The following FAHD2A variants were observed in gnomAD, a reference collection of about 807,000 sequenced individuals.
FAHD2A encodes oxaloacetate tautomerase FAHD2A, mitochondrial.
Under a neutral mutation model 33.4 loss-of-function variants are expected in FAHD2A, and 27 were observed. The ratio of observed to expected loss-of-function variants is 0.81; its 90% CI spans 0.60 to 1.11. The LOEUF (loss-of-function observed/expected upper bound fraction) is 1.11. Ranked by LOEUF, FAHD2A falls within the 50% of genes most tolerant of loss-of-function variation. The probability of loss-of-function intolerance (pLI) is 0.00; values close to 1 mark genes in which losing one functional copy is unlikely to be tolerated. For missense variants in FAHD2A, 296 were observed against 395.0 expected (o/e 0.75, Z 2.12); for synonymous variants, 130 against 153.3 (o/e 0.85, Z 1.12).
chr2:95,413,319 G>T lies in FAHD2A; in HGVS notation c.*362G>T. On this transcript the variant is annotated 3_prime_UTR_variant, in exon 8 of 8. Coordinates refer to ENST00000233379, the MANE Select transcript of FAHD2A (RefSeq NM_016044.3). ...TCAAAGAAGGGAAAAAGCAAGAGAT[G>T]GCAAGGGACAATCAAGCCTCAATGA... The T allele has an allele frequency of 6.9e-7, 1 of 1,454,970 alleles. No individual in the cohort carries two copies. 90.1% of individuals were successfully genotyped at this position (1,454,970 alleles called of 1,614,324 possible).
At chr2:95,412,293 A>G in intron 5 of FAHD2A, 141 bp from the exon 6 acceptor site, 2 of 941,296 alleles carry the variant, frequency 2.1e-6, no homozygotes, top group Non-Finnish European at 3.2e-6. Context: ...AAGTTCTAAC[A>G]TAGAGCACTG....
rs1682843060 is a variant in FAHD2A, at chr2:95,413,378, T to TC, written c.*423dup. 1.9e-6 allele frequency: 3 copies of TC among 1,560,488 alleles called. No individual in the cohort carries two copies. Among genetic ancestry groups the TC allele is most frequent in the Non-Finnish European group, 2.6e-6 (3 of 1,160,826 alleles). On this transcript the variant is annotated 3_prime_UTR_variant, in exon 8 of 8. Coordinates refer to ENST00000233379, the MANE Select transcript of FAHD2A (RefSeq NM_016044.3). The stretch of plus-strand genomic sequence containing the variant: ...ATAGCTAAGGGTTTGCAGCCTCCTC[T>TC]CCATCTTCTGGCTCTAGGACACAGC...
downstream of FAHD2A, among the ~76,000 whole-genome samples, chr2:95,419,953 AG>A (rs2104392315): frequency 6.6e-6 from 1 of 152,160 alleles, no homozygotes; most frequent in South Asian, 2.1e-4. Context: ...CGGGAAAGCC[AG>A]CAATACAGTT....
intron 1 of FAHD2A, among the ~76,000 whole-genome samples, chr2:95,405,092 T>G (rs1258661248): frequency 6.6e-6 from 1 of 152,254 alleles, no homozygotes; most frequent in Admixed American, 6.5e-5. Flanking sequence ...TTCCTGGTCC[T>G]GCTCATTTAG....
rs1223752814 is a variant in FAHD2A at position 95,413,221 on chromosome 2, A to G, written c.*264A>G. 1.8e-6 allele frequency: 2 copies of G among 1,100,572 alleles called. No individual in the cohort carries two copies. Among genetic ancestry groups the G allele is most frequent in the Non-Finnish European group, 2.6e-6 (2 of 782,126 alleles). The allele number at this position is 1,100,572 out of a possible 1,614,324, so 68.2% of individuals were successfully genotyped here. ...GGGACTGGGGAAGAAGAGAGCAAAT[A>G]CACACACATATGCCAAAAAGATGCT... On this transcript the variant is annotated 3_prime_UTR_variant, in exon 8 of 8. Coordinates refer to ENST00000233379, the MANE Select transcript of FAHD2A (RefSeq NM_016044.3).
Position 95,410,514 on chromosome 2 carries a change from T to A in FAHD2A, c.463-13T>A. On this transcript the variant is annotated splice_polypyrimidine_tract_variant and intron_variant, in intron 3 of 7. Coordinates refer to ENST00000233379, the MANE Select transcript of FAHD2A (RefSeq NM_016044.3). The stretch of plus-strand genomic sequence containing the variant: ...AAGCCACTGCAGCTCACTGTTCCTC[T>A]CCCACCCTACAGGAGGTAGATTGGG... 1.2e-6 allele frequency: 2 copies of A among 1,604,904 alleles called. No homozygotes were observed. The highest frequency in any genetic ancestry group is 1.7e-6 in the Non-Finnish European group (2 of 1,175,934).
At position 95,410,693 on chromosome 2, in the gene FAHD2A, G is replaced by A. The variant is rs142346335; in HGVS notation, c.522+107G>A. ...CCAACACACGGTGCCAGCTGTCCCT[G>A]ACACTAGGAAGCAGTCAGCCTCCTT... is the stretch of plus-strand genomic sequence containing the variant. On this transcript the variant is annotated intron_variant, in intron 4 of 7. Coordinates refer to ENST00000233379, the MANE Select transcript of FAHD2A (RefSeq NM_016044.3). The A allele has an allele frequency of 2.1e-3, 3,311 of 1,561,278 alleles. 16 individuals are homozygous for A. Among genetic ancestry groups the A allele is most frequent in the Non-Finnish European group, 2.3e-3 (2,676 of 1,149,404 alleles).
chr2:95,413,456 T>G lies in FAHD2A; in HGVS notation c.*499T>G. 6.2e-7 allele frequency: 1 copy of G among 1,610,270 alleles called. No individual in the cohort carries two copies. The highest frequency in any genetic ancestry group is 8.5e-7 in the Non-Finnish European group (1 of 1,179,332). On this transcript the variant is annotated 3_prime_UTR_variant, in exon 8 of 8. Coordinates refer to ENST00000233379, the MANE Select transcript of FAHD2A (RefSeq NM_016044.3). ...ACAGGCTCCTTCTCACAGTTCTAGC[T>G]ACAAGTGAACTGCCGGATGAACTGT...
chr2:95,419,780 A>G (rs1238205532), downstream of FAHD2A, among the ~76,000 whole-genome samples: 2 of 152,014 alleles, frequency 1.3e-5, no homozygotes, highest in Non-Finnish European at 2.9e-5. Context: ...GATCTCTCAC[A>G]TACAGACCTA....
At chr2:95,421,205 G>A (rs1683310356), downstream of FAHD2A, among the ~76,000 whole-genome samples, 1 of 107,754 alleles carries the variant, frequency 9.3e-6, no homozygotes, top group Non-Finnish European at 1.8e-5. Flanking sequence ...ACAGACCCAG[G>A]CCAGCTTCTC....
Position 95,405,944 on chromosome 2 carries a change from A to G in FAHD2A, c.245+141A>G, listed in dbSNP as rs1468847768. 3.3e-6 allele frequency: 4 copies of G among 1,207,228 alleles called. No individual in the cohort carries two copies. The East Asian group carries it at 1.0e-4, about 31-fold the overall frequency. The allele number at this position is 1,207,228 out of a possible 1,614,324, so 74.8% of individuals were successfully genotyped here. On this transcript the variant is annotated intron_variant, in intron 2 of 7. Transcript: ENST00000233379. ...CCTTTCCTTTTCTCCCGTTCTCTTA[A>G]AAGATCCTTAGAAATCTTACATAAT...
rs1279910741 is a variant in FAHD2A, at chr2:95,411,046, C to T, written c.685+20C>T. The T allele has an allele frequency of 6.2e-6, 10 of 1,613,030 alleles. No homozygotes were observed. The highest frequency in any genetic ancestry group is 8.5e-6 in the Non-Finnish European group (10 of 1,179,394). On this transcript the variant is annotated intron_variant, in intron 5 of 7. Coordinates refer to ENST00000233379, the MANE Select transcript of FAHD2A (RefSeq NM_016044.3). Reference sequence around the variant, plus strand: ...TAGCAGGTAGGTCCCTGGTCCCTGCCCCCTTATACCTACCATTGCACAGAT... The same window carrying T: ...TAGCAGGTAGGTCCCTGGTCCCTGCTCCCTTATACCTACCATTGCACAGAT...
chr2:95,419,993 C>T (rs1683292776), downstream of FAHD2A, among the ~76,000 whole-genome samples: 1 of 152,030 alleles, frequency 6.6e-6, no homozygotes, highest in Non-Finnish European at 1.5e-5. Flanking sequence ...GGCCTGACCA[C>T]TAGGAATTCC....
intron 3 of FAHD2A, among the ~76,000 whole-genome samples, chr2:95,407,696 A>G (rs1344897240): frequency 1.3e-5 from 2 of 152,242 alleles, no homozygotes; most frequent in Non-Finnish European, 2.9e-5. Context: ...TTGCATGTCC[A>G]TTAATACATT....
chr2:95,413,252 G>A lies in FAHD2A; in HGVS notation c.*295G>A. The A allele has an allele frequency of 2.4e-6, 3 of 1,273,786 alleles. No homozygotes were observed. Among genetic ancestry groups the A allele is most frequent in the Non-Finnish European group, 3.2e-6 (3 of 940,924 alleles). 78.9% of individuals were successfully genotyped at this position (1,273,786 alleles called of 1,614,324 possible). ...ACATATGCCAAAAAGATGCTGCTGGGCTGGGGAAAAGACAATTCGTGTCGT... is the reference window on the plus strand; with the variant it reads ...ACATATGCCAAAAAGATGCTGCTGGACTGGGGAAAAGACAATTCGTGTCGT... On this transcript the variant is annotated 3_prime_UTR_variant, in exon 8 of 8. Coordinates refer to ENST00000233379, the MANE Select transcript of FAHD2A (RefSeq NM_016044.3).
rs1682795507 is a variant in FAHD2A at position 95,413,045 on chromosome 2, C to T, written c.*88C>T. 6.7e-7 allele frequency: 1 copy of T among 1,492,060 alleles called. No individual in the cohort carries two copies. The highest frequency in any genetic ancestry group is 9.1e-7 in the Non-Finnish European group (1 of 1,093,754). The allele number at this position is 1,492,060 out of a possible 1,614,324, so 92.4% of individuals were successfully genotyped here. A position where few individuals can be genotyped will look rare whatever the true frequency, so the allele number is the denominator to read the frequency against. On this transcript the variant is annotated 3_prime_UTR_variant, in exon 8 of 8. Coordinates refer to ENST00000233379, the MANE Select transcript of FAHD2A (RefSeq NM_016044.3). ...GGAAAGGCCCAGTGACAGGTGTGGACAGGTGCCAGCCCTGCAAGCCGCCTC... is the reference window on the plus strand; with the variant it reads ...GGAAAGGCCCAGTGACAGGTGTGGATAGGTGCCAGCCCTGCAAGCCGCCTC...
intron 1 of FAHD2A, 182 bp from the exon 2 acceptor site, chr2:95,405,371 C>G (rs979036480): frequency 2.4e-5 from 20 of 818,460 alleles, no homozygotes; most frequent in Non-Finnish European, 3.3e-5. Context: ...AGTTGCTCCT[C>G]TAGAAAAGTT....
Position 95,410,884 on chromosome 2 carries a change from C to T in FAHD2A, c.543C>T (p.His181=), listed in dbSNP as rs767567489. 8.1e-6 allele frequency: 13 copies of T among 1,613,840 alleles called. No homozygotes were observed. The highest frequency in any genetic ancestry group is 1.1e-5 in the Non-Finnish European group (13 of 1,179,858). ...KHIKATDAMA[H]VAGFTVAHDV... ...CATAGGCCACAGATGCTATGGCCCA[C>T]GTGGCCGGCTTCACTGTGGCTCATG... The change falls in exon 5 of 8, where the codon CAC becomes CAT. Residue 181 remains histidine (H), a synonymous_variant. Transcript: ENST00000233379.
At chr2:95,406,384 A>G (rs1444394719) in intron 2 of FAHD2A, among the ~76,000 whole-genome samples, 2 of 148,992 alleles carry the variant, frequency 1.3e-5, no homozygotes, top group Non-Finnish European at 3.0e-5. Context: ...AGCTCACAGT[A>G]TTAACAGTAT....
Sources: allele counts gnomAD v4.1 joint callset (sites outside exome capture counted in the v4.1 genomes callset), GRCh38; gene constraint gnomAD v4.1.1; transcripts MANE v1.5; gene names NCBI Gene and HGNC (gene_info 2026-07-23, HGNC 2026-07-21).